The following DNAAF19 variants were observed in gnomAD, a reference collection of about 807,000 sequenced individuals.
DNAAF19 encodes the protein dynein axonemal assembly factor 19.
At chr17:44,901,469 C>T in the DNAAF19 span, 72 of 1,605,210 alleles carry the variant, frequency 4.5e-5, no homozygotes, top group South Asian at 7.8e-5. Context: ...TGCCTCACAC[C>T]CACAGACACA....
At chr17:44,903,202 C>A in the DNAAF19 span, 1 of 1,264,242 alleles carries the variant, frequency 7.9e-7, no homozygotes, top group Non-Finnish European at 9.9e-7. Context: ...AAACACTGAT[C>A]TCCACAGCTC....
the DNAAF19 span, among the ~76,000 whole-genome samples, chr17:44,901,994 G>C: frequency 6.6e-6 from 1 of 152,108 alleles, no homozygotes; most frequent in African/African-American, 2.4e-5. Context: ...GCAGTGTTGA[G>C]AGAGAGACCC....
At chr17:44,902,635 C>T in the DNAAF19 span, 18 of 1,614,144 alleles carry the variant, frequency 1.1e-5, no homozygotes, top group Non-Finnish European at 1.5e-5. Context: ...CCTAAGCCTG[C>T]TGAGCCGGGC....
At chr17:44,904,793 G>A in the DNAAF19 span, 2 of 1,550,616 alleles carry the variant, frequency 1.3e-6, no homozygotes, top group East Asian at 2.4e-5. Flanking sequence ...GTCCATGAGG[G>A]TGTTCATTGA....
the DNAAF19 span, chr17:44,901,068 G>A: frequency 7.5e-6 from 12 of 1,601,872 alleles, no homozygotes; most frequent in Non-Finnish European, 1.0e-5. Context: ...CACTGCTGAT[G>A]AGAAGTACAA....
the DNAAF19 span, chr17:44,901,746 T>G: frequency 1.4e-6 from 2 of 1,398,590 alleles, no homozygotes; most frequent in Non-Finnish European, 9.8e-7. Context: ...TTTTGTTTTT[T>G]TAACCACACA....
the DNAAF19 span, chr17:44,899,900 T>A: frequency 6.6e-6 from 1 of 152,256 alleles, no homozygotes; most frequent in Admixed American, 6.5e-5. Flanking sequence ...GGCTGAGAAC[T>A]GGACACCTGA....
the DNAAF19 span, chr17:44,904,716 A>G: frequency 6.4e-7 from 1 of 1,550,574 alleles, no homozygotes. Flanking sequence ...CGGCCAGAGC[A>G]TGCAGTGGCC....
At chr17:44,903,451 G>A in the DNAAF19 span, 1 of 1,252,882 alleles carries the variant, frequency 8.0e-7, no homozygotes, top group South Asian at 3.7e-5. Flanking sequence ...CACCAGGCTG[G>A]CAGGGCAGGG....
At chr17:44,903,536 C>G in the DNAAF19 span, 26 of 1,322,756 alleles carry the variant, frequency 2.0e-5, no homozygotes, top group Non-Finnish European at 2.3e-5. Context: ...TCCTTTGACC[C>G]ATTCTTGGGT....
chr17:44,901,041 G>T, the DNAAF19 span: 2 of 1,599,794 alleles, frequency 1.3e-6, no homozygotes, highest in South Asian at 2.3e-5. Context: ...TTTGGAGAAA[G>T]AGCTGCAGGC....
the DNAAF19 span, chr17:44,902,895 C>T: frequency 9.7e-6 from 14 of 1,439,954 alleles, no homozygotes; most frequent in Non-Finnish European, 1.2e-5. Flanking sequence ...TTCTGCAGGA[C>T]CATAATAAGA....
At chr17:44,904,577 C>T in the DNAAF19 span, 20 of 1,550,566 alleles carry the variant, frequency 1.3e-5, no homozygotes, top group South Asian at 8.3e-5. Context: ...AAAGACCATC[C>T]GGGAGGGCGT....
the DNAAF19 span, chr17:44,903,601 C>G: frequency 2.9e-6 from 4 of 1,403,150 alleles, no homozygotes; most frequent in South Asian, 5.0e-5. Flanking sequence ...ATGGCTTTCC[C>G]CCCCCACCCT....
chr17:44,902,726 G>T, the DNAAF19 span: 11 of 1,612,220 alleles, frequency 6.8e-6, no homozygotes, highest in East Asian at 2.2e-4. Flanking sequence ...GGGCTCAGCT[G>T]GGAGGAGCAG....
the DNAAF19 span, chr17:44,904,133 C>T: frequency 3.7e-5 from 57 of 1,550,410 alleles, 1 homozygote; most frequent in South Asian, 2.7e-4. Context: ...CATGCTGACC[C>T]GCTTCAGCAT....
At chr17:44,902,563 G>A in the DNAAF19 span, 1 of 1,614,128 alleles carries the variant, frequency 6.2e-7, no homozygotes, top group Non-Finnish European at 8.5e-7. Context: ...GGGGCCGGCT[G>A]ACCGGGCAGC....
chr17:44,901,519 G>A, the DNAAF19 span: 6 of 1,613,914 alleles, frequency 3.7e-6, no homozygotes, highest in East Asian at 2.2e-5. Context: ...TTTGCCTACA[G>A]GGGTATTGTC....
chr17:44,905,256 G>C, the DNAAF19 span: 1 of 600,562 alleles, frequency 1.7e-6, no homozygotes, highest in Non-Finnish European at 3.0e-6. Context: ...GGGGCCTGAG[G>C]CTGGTGGGAG....
Sources: allele counts gnomAD v4.1 joint callset (sites outside exome capture counted in the v4.1 genomes callset), GRCh38; gene constraint gnomAD v4.1.1; transcripts MANE v1.5; gene names NCBI Gene and HGNC (gene_info 2026-07-23, HGNC 2026-07-21).